PADI2: variants seen among roughly 807,000 people sequenced by gnomAD.
PADI2 encodes the protein peptidyl arginine deiminase 2, also known as protein-arginine deiminase type-2.
Under a neutral mutation model 81.1 loss-of-function variants are expected in PADI2, and 70 were observed. The observed-to-expected ratio is 0.86, with a 90% CI of 0.71 to 1.05. The LOEUF is 1.05. Ranked by LOEUF, PADI2 falls within the 50% of genes least tolerant of loss-of-function variation. The probability of loss-of-function intolerance (pLI) is 0.00; values close to 1 mark genes in which losing one functional copy is unlikely to be tolerated. For synonymous variants in PADI2, 338 were observed against 358.0 expected, an observed-to-expected ratio of 0.94 and a Z score of 0.63; for missense variants, 853 against 889.9, an observed-to-expected ratio of 0.96 and a Z score of 0.53.
intron 9 of PADI2, 60 bp downstream of exon 9, chr1:17,083,666 A>G (rs920444472): frequency 1.1e-5 from 11 of 1,040,328 alleles, no homozygotes; most frequent in African/African-American, 1.6e-5. Context: ...ACATGAAGCC[A>G]ACTCTTCTTT....
intron 12 of PADI2, chr1:17,075,231 C>G (rs1424848118): frequency 7.4e-6 from 3 of 402,748 alleles, no homozygotes; most frequent in African/African-American, 6.2e-5. Context: ...CAGAGAATTT[C>G]CAGGGTATGA....
chr1:17,098,140 A>T (rs143640786), intron 3 of PADI2, among the ~76,000 whole-genome samples: 1 of 152,032 alleles, frequency 6.6e-6, no homozygotes, highest in Non-Finnish European at 1.5e-5. Context: ...AGGGCCTCGG[A>T]CTCCGGCTGC....
chr1:17,092,337 G>T, intron 6 of PADI2, 71 bp downstream of exon 6: 8 of 1,347,958 alleles, frequency 5.9e-6, no homozygotes, highest in Non-Finnish European at 8.1e-6. Flanking sequence ...ACCTGTGAAG[G>T]CCACAACTGC....
At chr1:17,077,013 C>A (rs2078308834) in intron 11 of PADI2, among the ~76,000 whole-genome samples, 1 of 152,168 alleles carries the variant, frequency 6.6e-6, no homozygotes, top group Non-Finnish European at 1.5e-5. Context: ...TCGCTTCCCT[C>A]CCTTCCCCCG....
At position 17,074,873 on chromosome 1, in the gene PADI2, T is replaced by G. The variant is rs1404390464; in HGVS notation, c.1532A>C (p.Glu511Ala). ...CCACTCACCTTTGAACATGATGGCC[T>G]CTCCATGGCCGTCCTTCTGCTTCTC... ...FREKQKDGHG[E>A]AIMFKGLGGM... Residue 511 changes from glutamate to alanine, a missense_variant, in exon 13 of 16, where the codon GAG becomes GCG. By Grantham distance (107) the Glu-to-Ala change is moderately radical. Transcript: ENST00000375486. 1.2e-6 allele frequency: 2 copies of G among 1,611,440 alleles called. No individual in the cohort carries two copies. Among genetic ancestry groups the G allele is most frequent in the Non-Finnish European group, 1.7e-6 (2 of 1,178,328 alleles).
intron 4 of PADI2, among the ~76,000 whole-genome samples, chr1:17,094,873 C>T (rs1254934934): frequency 6.6e-6 from 1 of 152,212 alleles, no homozygotes; most frequent in Admixed American, 6.5e-5. Flanking sequence ...TCTCATATGG[C>T]TTGGCCATAG....
intron 1 of PADI2, among the ~76,000 whole-genome samples, chr1:17,118,016 A>G (rs143326760): frequency 0.015 from 2,295 of 152,300 alleles, 20 homozygotes; most frequent in Middle Eastern, 0.031. Context: ...GGACAGAGGC[A>G]TGGAGTGGGT....
intron 4 of PADI2, 56 bp from the exon 5 acceptor site, chr1:17,093,740 A>G (rs1930796215): frequency 1.9e-6 from 2 of 1,038,268 alleles, no homozygotes; most frequent in East Asian, 4.8e-5. Context: ...TATAGACCCC[A>G]TGGGACACTG....
At chr1:17,110,511 G>T (rs1156474441) in intron 1 of PADI2, among the ~76,000 whole-genome samples, 1 of 152,120 alleles carries the variant, frequency 6.6e-6, no homozygotes, top group East Asian at 1.9e-4. Flanking sequence ...CCAGAAATCA[G>T]GTCATGGGCT....
At chr1:17,069,940 G>A (rs58073644) in intron 15 of PADI2, 148 bp downstream of exon 15, 2 of 817,980 alleles carry the variant, frequency 2.4e-6, no homozygotes, top group East Asian at 2.9e-5. Flanking sequence ...GGCCCAGAGA[G>A]GGCAAGTGCC....
intron 13 of PADI2, among the ~76,000 whole-genome samples, chr1:17,073,547 T>C (rs1342808975): frequency 6.6e-6 from 1 of 152,182 alleles, no homozygotes; most frequent in Non-Finnish European, 1.5e-5. Context: ...ATTAGGTATA[T>C]TTTATCACAA....
intron 3 of PADI2, among the ~76,000 whole-genome samples, chr1:17,099,710 C>G (rs1166169965): frequency 1.3e-5 from 2 of 152,192 alleles, no homozygotes; most frequent in Non-Finnish European, 2.9e-5. Flanking sequence ...GCGGCCACCT[C>G]AAGAGCAAGA....
At chr1:17,076,422 C>T (rs758346847) in intron 11 of PADI2, among the ~76,000 whole-genome samples, 122 of 152,052 alleles carry the variant, frequency 8.0e-4, no homozygotes, top group Non-Finnish European at 6.6e-4. Flanking sequence ...ACCATGTTGG[C>T]CAAGCTGGTC....
At chr1:17,072,915 A>G (rs1470162713) in intron 13 of PADI2, among the ~76,000 whole-genome samples, 1 of 152,132 alleles carries the variant, frequency 6.6e-6, no homozygotes, top group African/African-American at 2.4e-5. Context: ...AAGCTTGCCA[A>G]TCCAAGAACA....
intron 4 of PADI2, among the ~76,000 whole-genome samples, chr1:17,095,358 C>G (rs1930877322): frequency 1.3e-5 from 2 of 152,164 alleles, no homozygotes; most frequent in Admixed American, 6.5e-5. Flanking sequence ...TTAAACCCAG[C>G]AAAATGGTCC....
At chr1:17,086,264 G>C (rs908210306) in intron 7 of PADI2, among the ~76,000 whole-genome samples, 1 of 152,196 alleles carries the variant, frequency 6.6e-6, no homozygotes, top group African/African-American at 2.4e-5. Context: ...CACAGGCGTG[G>C]AGTGTGTCAG....
chr1:17,118,610 C>T (rs555100550), intron 1 of PADI2, among the ~76,000 whole-genome samples: 1 of 152,288 alleles, frequency 6.6e-6, no homozygotes, highest in African/African-American at 2.4e-5. Context: ...CAACAAAGTA[C>T]CCCGCTATAC....
intron 10 of PADI2, among the ~76,000 whole-genome samples, chr1:17,079,856 A>AT (rs1321700692): frequency 4.6e-5 from 7 of 150,808 alleles, no homozygotes; most frequent in African/African-American, 1.5e-4. Context: ...GTGCGGTGGC[A>AT]TGATCTCAGC....
chr1:17,092,545 A>G lies in PADI2; in HGVS notation c.530-12T>C. 6.3e-7 allele frequency: 1 copy of G among 1,576,486 alleles called. No homozygotes were observed. ...CATGTCCTTGAGATCTGAGGGACAG[A>G]AGGTGAGAATGAAGAGATCTATCTG... On this transcript the variant is annotated splice_polypyrimidine_tract_variant and intron_variant, in intron 5 of 15. Transcript: ENST00000375486.
Sources: allele counts gnomAD v4.1 joint callset (sites outside exome capture counted in the v4.1 genomes callset), GRCh38; gene constraint gnomAD v4.1.1; transcripts MANE v1.5; gene names NCBI Gene and HGNC (gene_info 2026-07-23, HGNC 2026-07-21).